The following DPP10 variants were observed in gnomAD, a reference collection of about 807,000 sequenced individuals.
The protein encoded by DPP10 is dipeptidyl peptidase like 10.
DPP10 carries 33 observed loss-of-function variants against 120.9 expected under a neutral mutation model. The ratio of observed to expected loss-of-function variants is 0.27; its 90% CI spans 0.21 to 0.37. The LOEUF (loss-of-function observed/expected upper bound fraction) is 0.37. Ranked by LOEUF, DPP10 falls within the 10% of genes least tolerant of loss-of-function variation. The probability of loss-of-function intolerance (pLI) is 1.00; values close to 1 mark genes in which losing one functional copy is unlikely to be tolerated. For missense variants in DPP10, 816 were observed against 942.8 expected (o/e 0.87, Z 1.76); for synonymous variants, 337 against 326.1 (o/e 1.03, Z -0.36).
At chr2:114,606,873 C>A (rs1353918795) in intron 1 of DPP10, among the ~76,000 whole-genome samples, 1 of 152,094 alleles carries the variant, frequency 6.6e-6, no homozygotes, top group Non-Finnish European at 1.5e-5. Flanking sequence ...TGTGGTTAAG[C>A]ATATTGTTGA....
At chr2:115,333,060 G>C (rs1206291904) in intron 2 of DPP10, among the ~76,000 whole-genome samples, 1 of 152,122 alleles carries the variant, frequency 6.6e-6, no homozygotes, top group Non-Finnish European at 1.5e-5. Context: ...GGGAGTCTAA[G>C]TCTCTTTGTA....
intron 7 of DPP10, among the ~76,000 whole-genome samples, chr2:115,706,502 CT>C (rs1318997410): frequency 3.3e-5 from 5 of 151,980 alleles, no homozygotes; most frequent in African/African-American, 1.2e-4. Context: ...ACAATGTATA[CT>C]TTAGACAGTT....
chr2:115,599,791 G>A (rs1215405643), intron 5 of DPP10, among the ~76,000 whole-genome samples: 1 of 152,138 alleles, frequency 6.6e-6, no homozygotes, highest in Non-Finnish European at 1.5e-5. Flanking sequence ...ATTATTGAAG[G>A]TGTTTATTTT....
At chr2:115,002,313 T>G (rs1484844461) in intron 1 of DPP10, among the ~76,000 whole-genome samples, 1 of 152,182 alleles carries the variant, frequency 6.6e-6, no homozygotes, top group Admixed American at 6.6e-5. Flanking sequence ...GATAACTGAT[T>G]AGCCATACGG....
intron 1 of DPP10, among the ~76,000 whole-genome samples, chr2:115,026,161 A>G (rs1249378495): frequency 2.0e-5 from 3 of 152,140 alleles, no homozygotes; most frequent in Non-Finnish European, 4.4e-5. Flanking sequence ...TCAGGTTTAG[A>G]TTTAAAACTT....
At chr2:115,310,537 G>C (rs1269764563) in intron 2 of DPP10, among the ~76,000 whole-genome samples, 1 of 152,068 alleles carries the variant, frequency 6.6e-6, no homozygotes, top group Non-Finnish European at 1.5e-5. Flanking sequence ...AATTAAGGGA[G>C]CTACTAGGGA....
chr2:114,763,601 G>T (rs1680462982), intron 1 of DPP10, among the ~76,000 whole-genome samples: 1 of 152,092 alleles, frequency 6.6e-6, no homozygotes, highest in African/African-American at 2.4e-5. Context: ...AGACTTCGTG[G>T]TCTATTATAT....
At chr2:115,761,814 G>A (rs1038069255) in intron 11 of DPP10, among the ~76,000 whole-genome samples, 1 of 151,766 alleles carries the variant, frequency 6.6e-6, no homozygotes, top group Non-Finnish European at 1.5e-5. Flanking sequence ...ATTTGAGATG[G>A]GTACCTCTGC....
At chr2:115,826,618 G>T (rs1688347208) in intron 21 of DPP10, among the ~76,000 whole-genome samples, 1 of 152,158 alleles carries the variant, frequency 6.6e-6, no homozygotes, top group Admixed American at 6.5e-5. Flanking sequence ...CTACTTGGAA[G>T]GATGAGGCAG....
intron 1 of DPP10, among the ~76,000 whole-genome samples, chr2:114,555,937 G>A (rs193095660): frequency 1.3e-5 from 2 of 152,174 alleles, no homozygotes; most frequent in East Asian, 3.9e-4. Flanking sequence ...GGGCCAGGAA[G>A]GCATGGATGG....
At chr2:114,804,191 T>C (rs2106294730) in intron 1 of DPP10, among the ~76,000 whole-genome samples, 1 of 152,298 alleles carries the variant, frequency 6.6e-6, no homozygotes, top group Non-Finnish European at 1.5e-5. Flanking sequence ...GGCACAGAAG[T>C]CAAGAATTGA....
rs553693010 is a variant in DPP10, at chr2:115,761,676, C to T, written c.1075-896C>T. ...AGTTAGATTTTTTTTGATATCTTCA[C>T]GTAATGAAGATCTATTGAAAAAAAA... On this transcript the variant is annotated intron_variant, in intron 11 of 25. Transcript: ENST00000410059. 1.2e-4 allele frequency among the ~76,000 whole-genome samples: 18 copies of T among 149,656 alleles called. 1 individual carries two copies. In the South Asian group the frequency reaches 2.1e-3, roughly 18 times the overall value.
chr2:115,583,695 G>A (rs1396691984), intron 5 of DPP10, among the ~76,000 whole-genome samples: 1 of 152,174 alleles, frequency 6.6e-6, no homozygotes, highest in Non-Finnish European at 1.5e-5. Context: ...ATAGTCACAT[G>A]CCTGTTCAGA....
At chr2:115,615,366 T>G (rs998450226) in intron 5 of DPP10, among the ~76,000 whole-genome samples, 6 of 152,278 alleles carry the variant, frequency 3.9e-5, no homozygotes, top group African/African-American at 1.4e-4. Flanking sequence ...AGCACGGATT[T>G]TGAGTCCCCC....
At chr2:115,572,568 T>C (rs1292019959) in intron 5 of DPP10, among the ~76,000 whole-genome samples, 1 of 152,216 alleles carries the variant, frequency 6.6e-6, no homozygotes, top group Non-Finnish European at 1.5e-5. Flanking sequence ...ACTCTATGTA[T>C]ATACTTACAA....
intron 1 of DPP10, among the ~76,000 whole-genome samples, chr2:114,493,477 C>T (rs990316537): frequency 3.9e-5 from 6 of 152,140 alleles, no homozygotes; most frequent in South Asian, 2.1e-4. Flanking sequence ...TGGTAGGAAC[C>T]GGTAAGAGGA....
At chr2:115,259,280 G>A (rs113807344) in intron 1 of DPP10, among the ~76,000 whole-genome samples, 9,280 of 152,056 alleles carry the variant, frequency 0.061, 334 homozygotes, top group Middle Eastern at 0.11. Flanking sequence ...TTGGGAGTTC[G>A]AGACCACCCT....
At chr2:115,840,493 T>G in intron 24 of DPP10, among the ~76,000 whole-genome samples, 1 of 151,524 alleles carries the variant, frequency 6.6e-6, no homozygotes, top group East Asian at 2.0e-4. Flanking sequence ...CCGGCTAATT[T>G]TTTATATTTT....
At chr2:115,299,343 T>C (rs1258658304) in intron 1 of DPP10, among the ~76,000 whole-genome samples, 7 of 152,006 alleles carry the variant, frequency 4.6e-5, no homozygotes, top group Non-Finnish European at 7.4e-5. Context: ...GAAGAGTGGC[T>C]GGCAAATAAC....
Sources: gnomAD v4.1 joint callset for allele counts (sites outside exome capture counted in the v4.1 genomes callset) on GRCh38, gnomAD v4.1.1 for gene constraint, MANE v1.5 for transcripts, NCBI Gene and HGNC (gene_info 2026-07-23, HGNC 2026-07-21) for gene names.